Variants in ODAD2 observed in about 807,000 individuals in gnomAD.
ODAD2 encodes outer dynein arm docking complex subunit 2, also known as outer dynein arm-docking complex subunit 2.
In ODAD2, 89 loss-of-function variants were observed where a neutral mutation model predicts 106.8. The observed-to-expected ratio is 0.83, with a 90% confidence interval of 0.70 to 0.99. The LOEUF (loss-of-function observed/expected upper bound fraction) is 0.99, where lower values mean the gene tolerates loss of function less well. Among genes scored for constraint, ODAD2 ranks in the 50% least tolerant of loss-of-function variants. The pLI is 0.00. For synonymous variants in ODAD2, 404 were observed against 436.2 expected, an observed-to-expected ratio of 0.93 and a Z score of 0.92; for missense variants, 1,168 against 1,238.5, an observed-to-expected ratio of 0.94 and a Z score of 0.85.
intron 17 of ODAD2, among the ~76,000 whole-genome samples, chr10:27,889,678 C>G (rs1399276242): frequency 6.6e-6 from 1 of 152,132 alleles, no homozygotes; most frequent in African/African-American, 2.4e-5. Context: ...ATGGACACTC[C>G]CATGGACTTC....
At chr10:27,890,431 A>G (rs1249552222) in intron 17 of ODAD2, among the ~76,000 whole-genome samples, 2 of 152,240 alleles carry the variant, frequency 1.3e-5, no homozygotes, top group African/African-American at 2.4e-5. Flanking sequence ...TTCAAAATTA[A>G]GTGGTTAAGT....
intron 7 of ODAD2, among the ~76,000 whole-genome samples, chr10:27,980,570 A>G (rs1336239961): frequency 2.0e-5 from 3 of 152,184 alleles, no homozygotes; most frequent in Admixed American, 1.3e-4. Flanking sequence ...ATATGAAAAT[A>G]TGGTCGACAT....
intron 16 of ODAD2, among the ~76,000 whole-genome samples, chr10:27,923,233 CCCCATTTATATA>C (rs1486701920): frequency 6.6e-6 from 1 of 152,128 alleles, no homozygotes; most frequent in Non-Finnish European, 1.5e-5. Flanking sequence ...CAAAACAAGA[CCCCATTTATATA>C]CTGCATGCAA....
At chr10:27,838,445 T>G (rs947448671) in intron 19 of ODAD2, among the ~76,000 whole-genome samples, 4 of 152,216 alleles carry the variant, frequency 2.6e-5, no homozygotes, top group African/African-American at 9.7e-5. Context: ...TAGTTGTTGG[T>G]GTTTCATAAT....
intron 10 of ODAD2, among the ~76,000 whole-genome samples, chr10:27,946,143 T>C (rs1846903961): frequency 6.7e-6 from 1 of 148,386 alleles, no homozygotes; most frequent in African/African-American, 2.4e-5. Flanking sequence ...TTTTTAAATA[T>C]ATAAAATATT....
chr10:27,965,147 T>C (rs1384671403), intron 9 of ODAD2, among the ~76,000 whole-genome samples: 1 of 152,128 alleles, frequency 6.6e-6, no homozygotes, highest in Non-Finnish European at 1.5e-5. Context: ...AGTCAGTCAA[T>C]GTCAAAATTG....
chr10:27,994,810 G>T, intron 2 of ODAD2, 109 bp downstream of exon 2: 4 of 1,177,450 alleles, frequency 3.4e-6, no homozygotes, highest in Non-Finnish European at 2.4e-6. Context: ...TGGTTTAGAG[G>T]GCTTCTGAGG....
chr10:27,894,711 G>C (rs906221695), intron 17 of ODAD2, among the ~76,000 whole-genome samples: 1 of 148,082 alleles, frequency 6.8e-6, no homozygotes, highest in African/African-American at 2.5e-5. Flanking sequence ...AGAGTAGCTG[G>C]GACTACAGGC....
At chr10:27,993,625 G>A (rs1850361376) in intron 2 of ODAD2, among the ~76,000 whole-genome samples, 1 of 152,016 alleles carries the variant, frequency 6.6e-6, no homozygotes, top group Non-Finnish European at 1.5e-5. Flanking sequence ...ACTCCAGCCT[G>A]GGCAAAAGAG....
intron 7 of ODAD2, among the ~76,000 whole-genome samples, chr10:27,974,620 C>T (rs565302094): frequency 7.3e-5 from 11 of 150,052 alleles, no homozygotes; most frequent in East Asian, 2.0e-4. Flanking sequence ...CATGTTGTTT[C>T]GGTTACTGTA....
chr10:27,941,509 A>AAC (rs1323979885), intron 12 of ODAD2, among the ~76,000 whole-genome samples: 2 of 151,252 alleles, frequency 1.3e-5, no homozygotes, highest in Non-Finnish European at 2.9e-5. Context: ...AGAAAAAAAA[A>AAC]AAACCATGAG....
chr10:27,937,065 C>T lies in ODAD2; in HGVS notation c.2098-185G>A, dbSNP rs974807568. Among the ~76,000 whole-genome samples the T allele has an allele frequency of 2.8e-4, 43 of 152,130 alleles. 1 individual carries two copies. Among genetic ancestry groups the T allele is most frequent in the Admixed American group, 2.8e-3 (43 of 15,274 alleles). ...AGCTTTCTGACAGCATGTCTCTCTC[C>T]TTATGTGGCTTTGGGAATGGATAGC... is the stretch of plus-strand genomic sequence containing the variant. On this transcript the variant is annotated intron_variant, in intron 14 of 19. Coordinates refer to ENST00000305242, the MANE Select transcript of ODAD2 (RefSeq NM_018076.5).
chr10:27,875,474 T>C (rs1011751755), intron 17 of ODAD2, among the ~76,000 whole-genome samples: 1 of 152,194 alleles, frequency 6.6e-6, no homozygotes, highest in Admixed American at 6.5e-5. Flanking sequence ...TTTTTCCCCA[T>C]CTTTGTGGTT....
At chr10:27,948,245 G>A (rs895200667) in intron 10 of ODAD2, among the ~76,000 whole-genome samples, 5 of 126,990 alleles carry the variant, frequency 3.9e-5, no homozygotes, top group Admixed American at 1.7e-4. Flanking sequence ...TAGGCTTGAG[G>A]GATTTTTTTT....
In ODAD2 at chr10:27,882,173, A is replaced by AAAGAAAGAAAGAAAGAAAGAAAG. The variant is rs1554799031; in HGVS notation, c.2611-19552_2611-19551insCTTTCTTTCTTTCTTTCTTTCTT. ...ACAGAGTGAGACCTTGTCATAAAAA[A>AAAGAAAGAAAGAAAGAAAGAAAG]AAAGAAAGAAAGAAAGAAAGAAAGA... On this transcript the variant is annotated intron_variant, in intron 17 of 19. Transcript: ENST00000305242. 7.8e-4 allele frequency among the ~76,000 whole-genome samples: 86 copies of AAAGAAAGAAAGAAAGAAAGAAAG among 109,744 alleles called. 1 individual carries two copies. Among genetic ancestry groups the AAAGAAAGAAAGAAAGAAAGAAAG allele is most frequent in the South Asian group, 2.8e-3 (8 of 2,908 alleles). The allele number at this position is 109,744 out of a possible 152,430, so 72.0% of individuals were successfully genotyped here.
Position 27,862,564 on chromosome 10 carries a change from A to G in ODAD2, c.2669T>C (p.Leu890Pro). 6.2e-7 allele frequency: 1 copy of G among 1,612,158 alleles called. No individual in the cohort carries two copies. The highest frequency in any genetic ancestry group is 8.5e-7 in the Non-Finnish European group (1 of 1,179,182). Reference sequence around the variant, plus strand: ...CAGAACTTCTTTGTTATCTGATTTCAGTAAATTGACAATAAGTTCCAAACC... The same window carrying G: ...CAGAACTTCTTTGTTATCTGATTTCGGTAAATTGACAATAAGTTCCAAACC... ...VGGLELIVNL[L>P]KSDNKEVLAS... The change falls in exon 18 of 20, where the codon CTG becomes CCG. Residue 890 changes from leucine (L) to proline (P), a missense_variant. Physicochemically the swap from Leu to Pro is moderately conservative, Grantham distance 98 (BLOSUM62 -3). Transcript: ENST00000305242.
At chr10:27,934,447 C>A (rs1362435580) in intron 16 of ODAD2, among the ~76,000 whole-genome samples, 1 of 148,956 alleles carries the variant, frequency 6.7e-6, no homozygotes, top group South Asian at 2.1e-4. Context: ...GAATATATAT[C>A]TTTATATAGA....
chr10:27,823,073 G>A (rs138372376), intron 19 of ODAD2, among the ~76,000 whole-genome samples: 3,193 of 152,212 alleles, frequency 0.021, 43 homozygotes, highest in Non-Finnish European at 0.032. Flanking sequence ...TGACTGGCTG[G>A]GTCAGGGAAT....
At chr10:27,886,115 T>C (rs972021597) in intron 17 of ODAD2, among the ~76,000 whole-genome samples, 1 of 150,588 alleles carries the variant, frequency 6.6e-6, no homozygotes, top group Non-Finnish European at 1.5e-5. Context: ...TTATTTAAAG[T>C]AATAATGACC....
Sources: gnomAD v4.1 joint callset for allele counts (sites outside exome capture counted in the v4.1 genomes callset) on GRCh38, gnomAD v4.1.1 for gene constraint, MANE v1.5 for transcripts, NCBI Gene and HGNC (gene_info 2026-07-23, HGNC 2026-07-21) for gene names.